DTHD1: variants seen among roughly 807,000 people sequenced by gnomAD.
DTHD1 encodes the protein death domain containing 1, also known as death domain-containing protein 1.
In DTHD1, 59 loss-of-function variants were observed where a neutral mutation model predicts 74.8. The ratio of observed to expected loss-of-function variants is 0.79; its 90% confidence interval spans 0.64 to 0.98. DTHD1 has a LOEUF of 0.98. Among genes scored for constraint, DTHD1 ranks in the 50% least tolerant of loss-of-function variants. The probability of loss-of-function intolerance (pLI) is 0.00; values close to 1 mark genes in which losing one functional copy is unlikely to be tolerated. For missense variants in DTHD1, 1,051 were observed against 1,065.4 expected (o/e 0.99, Z 0.19); for synonymous variants, 365 against 371.1 (o/e 0.98, Z 0.19).
chr4:36,339,527 TCAA>T (rs1445670333), intron 9 of DTHD1, among the ~76,000 whole-genome samples: 1 of 152,226 alleles, frequency 6.6e-6, no homozygotes, highest in Non-Finnish European at 1.5e-5. Flanking sequence ...TCAATTCAAA[TCAA>T]CGTTTGAAGT....
intron 7 of DTHD1, among the ~76,000 whole-genome samples, chr4:36,315,070 T>C (rs912210201): frequency 6.6e-6 from 1 of 152,198 alleles, no homozygotes; most frequent in African/African-American, 2.4e-5. Flanking sequence ...CCTAGATCTA[T>C]ACATCCAAGA....
chr4:36,340,340 G>A (rs952934147), intron 9 of DTHD1, among the ~76,000 whole-genome samples: 1 of 152,158 alleles, frequency 6.6e-6, no homozygotes, highest in African/African-American at 2.4e-5. Context: ...CTGACAGCAG[G>A]GATACAAGCT....
chr4:36,329,946 C>T (rs1289227732), intron 8 of DTHD1, among the ~76,000 whole-genome samples: 1 of 152,072 alleles, frequency 6.6e-6, no homozygotes, highest in Admixed American at 6.6e-5. Context: ...TGTTTTCCCA[C>T]TTATGGTTTA....
intron 8 of DTHD1, among the ~76,000 whole-genome samples, chr4:36,322,619 G>C (rs1050565357): frequency 6.6e-6 from 1 of 152,078 alleles, no homozygotes; most frequent in Admixed American, 6.5e-5. Context: ...TGGTCAGTGC[G>C]CATGTGAGGG....
chr4:36,293,498 T>C (rs1487562900), intron 3 of DTHD1, 28 bp from the exon 4 acceptor site: 1 of 1,468,700 alleles, frequency 6.8e-7, no homozygotes. Context: ...GTGCTATAGC[T>C]TATTTTAATG....
chr4:36,282,352 G>T (rs1352283072), intron 1 of DTHD1, among the ~76,000 whole-genome samples: 6 of 152,216 alleles, frequency 3.9e-5, no homozygotes, highest in Non-Finnish European at 7.3e-5. Context: ...GATTTATGCA[G>T]CAGGAAAGAG....
At chr4:36,317,855 G>T (rs970072973) in intron 8 of DTHD1, among the ~76,000 whole-genome samples, 1 of 152,220 alleles carries the variant, frequency 6.6e-6, no homozygotes, top group Admixed American at 6.5e-5. Flanking sequence ...AAGTTTTGTG[G>T]TGTTTGTGGC....
chr4:36,314,131 A>G (rs1757560569), intron 7 of DTHD1, among the ~76,000 whole-genome samples: 2 of 150,548 alleles, frequency 1.3e-5, no homozygotes, highest in South Asian at 2.1e-4. Context: ...AACTTTTGCA[A>G]AGGGATCTAC....
At chr4:36,301,115 G>A (rs1305530235) in intron 5 of DTHD1, among the ~76,000 whole-genome samples, 1 of 152,110 alleles carries the variant, frequency 6.6e-6, no homozygotes, top group Admixed American at 6.5e-5. Context: ...TTTGAATATT[G>A]TTTATGAGGT....
chr4:36,343,482 G>T lies in DTHD1; in HGVS notation c.2399-20G>T. On this transcript the variant is annotated intron_variant, in intron 9 of 9. Transcript: ENST00000639862. ...CCAGGAGAGGGTCCTAACCGTGAGT[G>T]TTCCTCCTGTGCCTGACAGAAGCCC... 1 of 1,546,070 alleles carries T rather than the reference G, an allele frequency of 6.5e-7. No homozygotes were observed. Among genetic ancestry groups the T allele is most frequent in the Non-Finnish European group, 8.7e-7 (1 of 1,143,864 alleles).
intron 8 of DTHD1, chr4:36,332,845 G>A (rs970483616): frequency 6.6e-6 from 1 of 152,076 alleles, no homozygotes; most frequent in African/African-American, 2.4e-5. Context: ...AGGCAGATGA[G>A]GTAACCAAGG....
intron 8 of DTHD1, among the ~76,000 whole-genome samples, chr4:36,319,168 T>G (rs534694438): frequency 6.6e-6 from 1 of 152,226 alleles, no homozygotes; most frequent in Non-Finnish European, 1.5e-5. Flanking sequence ...ATTTTCTATT[T>G]TCCTTTGCTT....
At chr4:36,309,157 C>T (rs1310241351) in intron 7 of DTHD1, among the ~76,000 whole-genome samples, 2 of 152,224 alleles carry the variant, frequency 1.3e-5, no homozygotes, top group Non-Finnish European at 2.9e-5. Context: ...TTGATCTAGG[C>T]TGGGTGTGTG....
At chr4:36,293,279 T>G (rs1756189913) in intron 3 of DTHD1, among the ~76,000 whole-genome samples, 1 of 152,182 alleles carries the variant, frequency 6.6e-6, no homozygotes, top group South Asian at 2.1e-4. Context: ...TTGGGGAAGA[T>G]TTAATTTAAA....
chr4:36,332,702 G>A (rs997431473), intron 8 of DTHD1: 5 of 152,238 alleles, frequency 3.3e-5, no homozygotes, highest in Non-Finnish European at 4.4e-5. Context: ...CACTGTCAGA[G>A]ACTAGTGTGG....
rs979193319 is a variant in DTHD1 at position 36,290,251 on chromosome 4, G to T, written c.888-122G>T. On this transcript the variant is annotated intron_variant, in intron 2 of 9. Transcript: ENST00000639862. ...TGAGGATCTTGCCCAAGGTCACAGA[G>T]TTGATCAGAACTGGAATTCACACCA... The T allele has an allele frequency of 8.6e-6, 9 of 1,041,848 alleles. No individual in the cohort carries two copies. In the East Asian group the frequency reaches 2.4e-4, roughly 27 times the overall value. The allele number at this position is 1,041,848 out of a possible 1,614,324, so 64.5% of individuals were successfully genotyped here. A position where few individuals can be genotyped will look rare whatever the true frequency, so the allele number is the denominator to read the frequency against.
chr4:36,294,654 C>T, intron 4 of DTHD1, 141 bp from the exon 5 acceptor site: 5 of 661,292 alleles, frequency 7.6e-6, no homozygotes, highest in Non-Finnish European at 1.1e-5. Context: ...TTATAAAATG[C>T]ATTGTTGATT....
intron 8 of DTHD1, among the ~76,000 whole-genome samples, chr4:36,334,395 G>A (rs573638261): frequency 1.5e-5 from 2 of 135,654 alleles, no homozygotes; most frequent in South Asian, 4.7e-4. Flanking sequence ...GTCTCACTCT[G>A]TCACCCAGGC....
At chr4:36,289,575 C>CTAA (rs1338714738) in intron 2 of DTHD1, among the ~76,000 whole-genome samples, 40 of 152,116 alleles carry the variant, frequency 2.6e-4, no homozygotes, top group East Asian at 9.6e-4. Flanking sequence ...TAGCACCTAC[C>CTAA]TAATACAATA....
Sources: allele counts gnomAD v4.1 joint callset (sites outside exome capture counted in the v4.1 genomes callset), GRCh38; gene constraint gnomAD v4.1.1; transcripts MANE v1.5; gene names NCBI Gene and HGNC (gene_info 2026-07-23, HGNC 2026-07-21).